PCDHA4: variants seen among roughly 807,000 people sequenced by gnomAD.
PCDHA4 encodes the protein protocadherin alpha-4.
A neutral mutation model predicts 61.4 loss-of-function variants in PCDHA4; 49 were observed. That is an observed-to-expected ratio of 0.80 (90% CI 0.63 to 1.01). The LOEUF is 1.01. PCDHA4 is among the 50% of genes least tolerant of loss of function. The pLI is 0.00. For missense variants in PCDHA4, 1,254 were observed against 1,235.8 expected, an observed-to-expected ratio of 1.01 and a Z score of -0.22; for synonymous variants, 590 against 550.3, an observed-to-expected ratio of 1.07 and a Z score of -1.01.
intron 1 of PCDHA4, chr5:140,835,628 C>G (rs1554135129): frequency 1.2e-6 from 2 of 1,613,772 alleles, no homozygotes; most frequent in African/African-American, 1.3e-5. Context: ...CTCTGGACCG[C>G]GAGAGTGTGT....
At chr5:140,901,922 G>A (rs2068984254) in intron 1 of PCDHA4, among the ~76,000 whole-genome samples, 2 of 151,732 alleles carry the variant, frequency 1.3e-5, no homozygotes. Flanking sequence ...TCACTTCTTT[G>A]GTTAATTCCT....
intron 1 of PCDHA4, chr5:140,823,584 C>T (rs150338314): frequency 6.2e-7 from 1 of 1,613,978 alleles, no homozygotes; most frequent in Non-Finnish European, 8.5e-7. Flanking sequence ...CGGGCTACAA[C>T]GCTTGGCTTT....
At chr5:140,836,314 G>T (rs2150257460) in intron 1 of PCDHA4, 2 of 1,613,658 alleles carry the variant, frequency 1.2e-6, no homozygotes, top group South Asian at 1.1e-5. Flanking sequence ...GACGCACCGC[G>T]CCACCGCCTT....
chr5:140,884,840 A>G (rs2060380495), intron 1 of PCDHA4: 7 of 888,512 alleles, frequency 7.9e-6, no homozygotes, highest in Non-Finnish European at 1.1e-5. Flanking sequence ...TATCCTTCAG[A>G]GTGAAATCTT....
Position 140,883,846 on chromosome 5 carries a change from G to A in PCDHA4, c.2385+74274G>A, listed in dbSNP as rs782516685. On this transcript the variant is annotated intron_variant, in intron 1 of 3. Coordinates refer to ENST00000530339, the MANE Select transcript of PCDHA4 (RefSeq NM_018907.4). ...ACGCGCTGCAGCCGTTGGACCACGA[G>A]GAGCTGGAGCTGTTGCAGTTCCAGG... is the stretch of plus-strand genomic sequence containing the variant. The A allele has an allele frequency of 6.8e-6, 11 of 1,612,790 alleles. 1 individual carries two copies. In the Admixed American group the frequency reaches 1.7e-4, roughly 24 times the overall value.
rs2150401429 is a variant in PCDHA4 at position 140,847,524 on chromosome 5, A to G, written c.2385+37952A>G. The stretch of plus-strand genomic sequence containing the variant: ...AAAACTTTGTAGAACTTAGTCAGGA[A>G]AAGAATCTCAAGCATAGCTTTAAAA... On this transcript the variant is annotated intron_variant, in intron 1 of 3. Coordinates refer to ENST00000530339, the MANE Select transcript of PCDHA4 (RefSeq NM_018907.4). The G allele has an allele frequency of 1.3e-5, 2 of 149,848 alleles. 1 individual carries two copies. The highest frequency in any genetic ancestry group is 3.0e-5 in the Non-Finnish European group (2 of 66,914). 9.3% of individuals were successfully genotyped at this position (149,848 alleles called of 1,614,324 possible).
intron 1 of PCDHA4, chr5:140,883,536 T>C (rs1178559999): frequency 8.7e-6 from 14 of 1,614,202 alleles, no homozygotes; most frequent in Non-Finnish European, 1.2e-5. Flanking sequence ...GCCTATGAAC[T>C]GGTGGTGACC....
chr5:140,850,643 G>A, intron 1 of PCDHA4: 1 of 1,598,690 alleles, frequency 6.3e-7, no homozygotes, highest in African/African-American at 1.3e-5. Context: ...TCACGCTGCT[G>A]CTGTACACTG....
At chr5:140,946,241 T>A (rs797039382) in intron 1 of PCDHA4, among the ~76,000 whole-genome samples, 5 of 152,044 alleles carry the variant, frequency 3.3e-5, no homozygotes, top group African/African-American at 1.2e-4. Context: ...ATGCTCAACA[T>A]CATGAATCAT....
At chr5:140,931,881 T>C (rs2087825880) in intron 1 of PCDHA4, among the ~76,000 whole-genome samples, 1 of 152,002 alleles carries the variant, frequency 6.6e-6, no homozygotes, top group African/African-American at 2.4e-5. Flanking sequence ...TTTATTGCTT[T>C]CATTTTATTT....
At chr5:140,954,968 G>T (rs531304394) in intron 1 of PCDHA4, among the ~76,000 whole-genome samples, 4 of 152,200 alleles carry the variant, frequency 2.6e-5, no homozygotes, top group African/African-American at 9.6e-5. Context: ...TAAGGAAAGG[G>T]TCCAGTTTCA....
At chr5:140,866,236 C>T (rs1554160132) in intron 1 of PCDHA4, 1 of 152,026 alleles carries the variant, frequency 6.6e-6, no homozygotes, top group East Asian at 1.9e-4. Context: ...ATACTATATA[C>T]CAAAAATGAC....
At chr5:140,828,480 C>T (rs2150155804) in intron 1 of PCDHA4, 2 of 1,614,198 alleles carry the variant, frequency 1.2e-6, no homozygotes, top group Non-Finnish European at 8.5e-7. Flanking sequence ...AACGACAACC[C>T]GCCCTTGTTC....
At chr5:140,928,624 C>T (rs782032190) in intron 1 of PCDHA4, 1 of 1,614,242 alleles carries the variant, frequency 6.2e-7, no homozygotes, top group Non-Finnish European at 8.5e-7. Context: ...CAGGACTGGA[C>T]ACTTGGTCAC....
chr5:140,811,923 G>A (rs2126633013), intron 1 of PCDHA4: 16 of 152,164 alleles, frequency 1.1e-4, no homozygotes, highest in Non-Finnish European at 1.8e-4. Flanking sequence ...TGGGTAGATT[G>A]CAAAAATTTT....
chr5:140,834,721 C>T (rs2150224932), intron 1 of PCDHA4: 2 of 1,614,104 alleles, frequency 1.2e-6, no homozygotes, highest in African/African-American at 2.7e-5. Flanking sequence ...GTGGAAAGGC[C>T]GCTGCAGGTT....
chr5:140,938,875 C>T (rs2092238013), intron 1 of PCDHA4, among the ~76,000 whole-genome samples: 1 of 151,912 alleles, frequency 6.6e-6, no homozygotes. Flanking sequence ...AGTTAAGAAG[C>T]AACACACACA....
At chr5:140,812,707 C>T (rs1403479725) in intron 1 of PCDHA4, 1 of 152,214 alleles carries the variant, frequency 6.6e-6, no homozygotes, top group Non-Finnish European at 1.5e-5. Flanking sequence ...GATCCTTGTG[C>T]CTTGGATTCC....
At chr5:140,913,808 A>T (rs1332519291) in intron 1 of PCDHA4, among the ~76,000 whole-genome samples, 1 of 152,102 alleles carries the variant, frequency 6.6e-6, no homozygotes, top group Non-Finnish European at 1.5e-5. Context: ...TCAAATTTTC[A>T]ATTTCCTTTT....
Sources: gnomAD v4.1 joint callset for allele counts (sites outside exome capture counted in the v4.1 genomes callset) on GRCh38, gnomAD v4.1.1 for gene constraint, MANE v1.5 for transcripts, NCBI Gene and HGNC (gene_info 2026-07-23, HGNC 2026-07-21) for gene names.